ZBTB20: variants seen among roughly 807,000 people sequenced by gnomAD.
ZBTB20 encodes the protein zinc finger and BTB domain-containing protein 20.
ZBTB20 carries 9 observed loss-of-function variants against 56.9 expected under a neutral mutation model. The ratio of observed to expected loss-of-function variants is 0.16; its 90% confidence interval spans 0.10 to 0.28. The LOEUF (loss-of-function observed/expected upper bound fraction) is 0.28. ZBTB20 is among the 10% of genes least tolerant of loss of function. ZBTB20 has a pLI of 1.00. For synonymous variants in ZBTB20, 417 were observed against 420.7 expected (o/e 0.99, Z 0.11); for missense variants, 655 against 1,003.0 (o/e 0.65, Z 4.69).
intron 6 of ZBTB20, among the ~76,000 whole-genome samples, chr3:114,618,736 G>A (rs1041037050): frequency 5.3e-5 from 8 of 152,142 alleles, no homozygotes; most frequent in African/African-American, 1.9e-4. Context: ...AGAAAGGTTA[G>A]GAGCCAAAAT....
chr3:114,805,771 G>C (rs569187203), intron 4 of ZBTB20, among the ~76,000 whole-genome samples: 97 of 151,736 alleles, frequency 6.4e-4, no homozygotes, highest in Non-Finnish European at 1.1e-3. Context: ...TCAATCCCTA[G>C]ACCCAGACAA....
chr3:114,501,480 G>T (rs576836849), intron 6 of ZBTB20, among the ~76,000 whole-genome samples: 2 of 151,590 alleles, frequency 1.3e-5, no homozygotes, highest in South Asian at 4.2e-4. Context: ...ACAAAAATTA[G>T]CCAGGCATGG....
At chr3:114,556,491 A>T (rs2051237657) in intron 6 of ZBTB20, among the ~76,000 whole-genome samples, 1 of 152,070 alleles carries the variant, frequency 6.6e-6, no homozygotes, top group African/African-American at 2.4e-5. Context: ...ATACCAGTTG[A>T]TCTTCCCGTG....
chr3:114,525,117 C>T (rs953198837), intron 6 of ZBTB20, among the ~76,000 whole-genome samples: 2 of 152,118 alleles, frequency 1.3e-5, no homozygotes, highest in African/African-American at 2.4e-5. Context: ...TGGCACTAAT[C>T]GCTCTCTAAA....
chr3:114,797,327 T>C (rs1224051175), intron 5 of ZBTB20, among the ~76,000 whole-genome samples: 1 of 151,772 alleles, frequency 6.6e-6, no homozygotes, highest in Non-Finnish European at 1.5e-5. Context: ...TCCCATACAT[T>C]ATGGTTCTCA....
intron 3 of ZBTB20, among the ~76,000 whole-genome samples, chr3:114,959,512 A>G (rs920940433): frequency 2.0e-5 from 3 of 152,150 alleles, no homozygotes; most frequent in African/African-American, 7.2e-5. Flanking sequence ...AACTAAGTAA[A>G]TAAATAAATA....
At chr3:114,865,219 A>G (rs1386295077) in intron 4 of ZBTB20, among the ~76,000 whole-genome samples, 3 of 152,110 alleles carry the variant, frequency 2.0e-5, no homozygotes, top group African/African-American at 4.8e-5. Flanking sequence ...CCCCTCAACT[A>G]TGCATTTCCA....
chr3:114,511,355 G>A (rs541554964), intron 6 of ZBTB20, among the ~76,000 whole-genome samples: 17 of 152,130 alleles, frequency 1.1e-4, no homozygotes, highest in African/African-American at 4.1e-4. Context: ...AAAAATTCTA[G>A]GCTATTTCCC....
At chr3:115,134,448 C>T (rs1479870493) in intron 1 of ZBTB20, among the ~76,000 whole-genome samples, 1 of 151,892 alleles carries the variant, frequency 6.6e-6, no homozygotes, top group Non-Finnish European at 1.5e-5. Flanking sequence ...CTATTATTCA[C>T]GTTTTGATTT....
At chr3:114,378,396 T>G (rs144726505) in intron 10 of ZBTB20, among the ~76,000 whole-genome samples, 3 of 152,216 alleles carry the variant, frequency 2.0e-5, no homozygotes, top group African/African-American at 7.2e-5. Context: ...TTTCTCCTCC[T>G]GGTTTGTTTT....
At chr3:115,047,270 T>C (rs935128041) in intron 2 of ZBTB20, among the ~76,000 whole-genome samples, 2 of 152,166 alleles carry the variant, frequency 1.3e-5, no homozygotes, top group Non-Finnish European at 1.5e-5. Context: ...AACAGTAAAA[T>C]GGCAAAAACA....
chr3:114,474,162 C>T (rs1247814263), intron 7 of ZBTB20, among the ~76,000 whole-genome samples: 1 of 152,162 alleles, frequency 6.6e-6, no homozygotes, highest in Non-Finnish European at 1.5e-5. Context: ...TGGGTCTCTC[C>T]CACATGTGGG....
intron 6 of ZBTB20, among the ~76,000 whole-genome samples, chr3:114,610,932 T>C (rs755984013): frequency 5.3e-5 from 8 of 152,132 alleles, no homozygotes; most frequent in Non-Finnish European, 8.8e-5. Flanking sequence ...ATAAGTAATA[T>C]ATTAGTCAAA....
intron 2 of ZBTB20, among the ~76,000 whole-genome samples, chr3:115,032,976 AAC>A (rs1491454627): frequency 1.3e-5 from 2 of 149,614 alleles, no homozygotes; most frequent in African/African-American, 2.4e-5. Flanking sequence ...AAAAAAAAAA[AAC>A]AAACTAAACC....
In ZBTB20 at chr3:114,322,746, T is replaced by TA. The variant is rs548355735; in HGVS notation, c.*16258dup. 2.6e-4 allele frequency: 39 copies of TA among 152,370 alleles called. No individual in the cohort carries two copies. The highest frequency in any genetic ancestry group is 8.7e-4 in the African/African-American group (36 of 41,592). The allele number at this position is 152,370 out of a possible 1,614,324, so 9.4% of individuals were successfully genotyped here. A position where few individuals can be genotyped will look rare whatever the true frequency, so the allele number is the denominator to read the frequency against. ...TGCTTTGAGTGCTTAAGGAATTTCT[T>TA]ATGCTAGTTTGGATGGCTCTAAATG... On this transcript the variant is annotated 3_prime_UTR_variant, in exon 12 of 12. Transcript: ENST00000675478.
intron 2 of ZBTB20, among the ~76,000 whole-genome samples, chr3:115,056,129 G>C (rs1221848812): frequency 1.3e-5 from 2 of 152,054 alleles, no homozygotes; most frequent in Admixed American, 1.3e-4. Flanking sequence ...AGCATGTATG[G>C]GAGTGTGTAA....
At chr3:115,138,515 G>A (rs1313581857) in intron 1 of ZBTB20, among the ~76,000 whole-genome samples, 1 of 152,036 alleles carries the variant, frequency 6.6e-6, no homozygotes, top group East Asian at 1.9e-4. Context: ...ATCTGGGCAA[G>A]CACTGAGTTA....
At chr3:114,566,578 G>T (rs1213643280) in intron 6 of ZBTB20, among the ~76,000 whole-genome samples, 2 of 152,168 alleles carry the variant, frequency 1.3e-5, no homozygotes, top group Admixed American at 1.3e-4. Flanking sequence ...AGCACAAGTT[G>T]AAAGCTATTT....
rs1159975444 is a variant in ZBTB20 at position 114,317,727 on chromosome 3, T to C, written c.*21278A>G. The C allele has an allele frequency of 6.6e-6, 1 of 152,112 alleles. No homozygotes were observed. The highest frequency in any genetic ancestry group is 1.5e-5 in the Non-Finnish European group (1 of 68,018). The allele number at this position is 152,112 out of a possible 1,614,324, so 9.4% of individuals were successfully genotyped here. ...AAAGAGGAAGAGGTTCATCTAACTA[T>C]AAAAGGAAAAGATGAAGGCACGTGA... On this transcript the variant is annotated 3_prime_UTR_variant, in exon 12 of 12. Transcript: ENST00000675478.
Sources: gnomAD v4.1 joint callset for allele counts (sites outside exome capture counted in the v4.1 genomes callset) on GRCh38, gnomAD v4.1.1 for gene constraint, MANE v1.5 for transcripts, NCBI Gene and HGNC (gene_info 2026-07-23, HGNC 2026-07-21) for gene names.